KIF26B: variants seen among roughly 807,000 people sequenced by gnomAD.
The protein encoded by KIF26B is kinesin-like protein KIF26B.
In KIF26B, 63 loss-of-function variants were observed where a neutral mutation model predicts 151.2. The observed-to-expected ratio is 0.42, with a 90% CI of 0.34 to 0.51. The LOEUF (loss-of-function observed/expected upper bound fraction) is 0.51. Ranked by LOEUF, KIF26B falls within the 20% of genes least tolerant of loss-of-function variation. KIF26B has a pLI of 0.07. For missense variants in KIF26B, 2,813 were observed against 2,913.6 expected (o/e 0.97, Z 0.79); for synonymous variants, 1,357 against 1,262.1 (o/e 1.08, Z -1.59).
At chr1:245,350,806 C>A (rs745319978) in intron 2 of KIF26B, among the ~76,000 whole-genome samples, 3 of 152,166 alleles carry the variant, frequency 2.0e-5, no homozygotes, top group East Asian at 3.9e-4. Flanking sequence ...TGCTTTGAGA[C>A]AATTCCAAGA....
At chr1:245,600,809 C>T (rs145112790) in intron 5 of KIF26B, among the ~76,000 whole-genome samples, 231 of 152,198 alleles carry the variant, frequency 1.5e-3, no homozygotes, top group African/African-American at 4.9e-3. Context: ...TTTGCACAGC[C>T]GCCCATATGA....
At chr1:245,648,384 C>T (rs1049366418) in intron 10 of KIF26B, among the ~76,000 whole-genome samples, 1 of 152,100 alleles carries the variant, frequency 6.6e-6, no homozygotes, top group Admixed American at 6.5e-5. Flanking sequence ...CGTGGTGGCT[C>T]ACACCTATAT....
chr1:245,707,874 G>A lies in KIF26B; in HGVS notation c.*5268G>A, dbSNP rs1414797309. On this transcript the variant is annotated 3_prime_UTR_variant, in exon 15 of 15. Coordinates refer to ENST00000407071, the MANE Select transcript of KIF26B (RefSeq NM_018012.4). ...GTTCAACATTCAATTCCTGAGGAAA[G>A]TGCTGATAGTATTAGTTCCCTACAT... The A allele has an allele frequency of 6.6e-6, 1 of 152,242 alleles. No homozygotes were observed. The highest frequency in any genetic ancestry group is 1.9e-4 in the East Asian group (1 of 5,206). The allele number at this position is 152,242 out of a possible 1,614,324, so 9.4% of individuals were successfully genotyped here. A position where few individuals can be genotyped will look rare whatever the true frequency, so the allele number is the denominator to read the frequency against.
At position 245,688,738 on chromosome 1, in the gene KIF26B, A is replaced by T. The variant is rs1307815198; in HGVS notation, c.5755A>T (p.Ser1919Cys). The stretch of plus-strand genomic sequence containing the variant: ...CGCGTCCTCGGCGCAGGACTCCACG[A>T]GCGAGAACAGCAGCTCCGTGGGCGG... The part of the protein sequence containing the change: ...GSASSAQDST[S>C]ENSSSVGGRC... Residue 1919 changes from serine to cysteine, a missense_variant, in exon 12 of 15, where the codon AGC (serine) becomes TGC (cysteine). This residue lies in a region of KIF26B where 2,060 missense variants were observed against 2,088.6 expected (regional missense o/e 0.99). Transcript: ENST00000407071. The T allele has an allele frequency of 4.4e-6, 7 of 1,606,362 alleles. No homozygotes were observed. The highest frequency in any genetic ancestry group is 6.0e-6 in the Non-Finnish European group (7 of 1,175,944).
In KIF26B at chr1:245,257,281, A is replaced by G. The variant is rs894984343; in HGVS notation, c.465+100598A>G. 3.9e-5 allele frequency among the ~76,000 whole-genome samples: 6 copies of G among 152,206 alleles called. No homozygotes were observed. The South Asian group carries it at 8.3e-4, about 21-fold the overall frequency. ...GATTGACCTCTTGTGTTTCCCTACA[A>G]TGTATACAACCAAGCTATAGCCCGA... On this transcript the variant is annotated intron_variant, in intron 2 of 14. Coordinates refer to ENST00000407071, the MANE Select transcript of KIF26B (RefSeq NM_018012.4).
chr1:245,344,779 C>T (rs996403046), intron 2 of KIF26B, among the ~76,000 whole-genome samples: 29 of 152,024 alleles, frequency 1.9e-4, no homozygotes, highest in Admixed American at 3.3e-4. Context: ...GACTGCATAC[C>T]GCGGCCATGT....
intron 2 of KIF26B, among the ~76,000 whole-genome samples, chr1:245,200,607 C>T (rs999103623): frequency 5.9e-5 from 9 of 152,156 alleles, no homozygotes; most frequent in Non-Finnish European, 8.8e-5. Context: ...TCTTTAGCCC[C>T]TGCTTACTTT....
At chr1:245,350,241 G>A (rs1672537213) in intron 2 of KIF26B, among the ~76,000 whole-genome samples, 1 of 151,992 alleles carries the variant, frequency 6.6e-6, no homozygotes, top group South Asian at 2.1e-4. Context: ...CTGGTCAATG[G>A]CCACATGAAG....
intron 2 of KIF26B, among the ~76,000 whole-genome samples, chr1:245,237,561 G>T (rs1334860368): frequency 6.6e-6 from 1 of 152,124 alleles, no homozygotes; most frequent in Non-Finnish European, 1.5e-5. Flanking sequence ...GGCCCAGGGG[G>T]TCTATGAGCA....
Position 245,504,177 on chromosome 1 carries a change from G to A in KIF26B, c.1167-36590G>A, listed in dbSNP as rs114691976. Among the ~76,000 whole-genome samples, 1,447 of 152,108 alleles carry A rather than the reference G, an allele frequency of 9.5e-3. 26 individuals are homozygous for A. The highest frequency in any genetic ancestry group is 0.033 in the Admixed American group (510 of 15,272). On this transcript the variant is annotated intron_variant, in intron 4 of 14. Transcript: ENST00000407071. ...GAGGCCCTGGGCCCTATTCTCTCTG[G>A]GGAGCTTTACATCACCCATTGCTCT...
At chr1:245,450,077 C>T (rs1363928601) in intron 4 of KIF26B, among the ~76,000 whole-genome samples, 1 of 152,170 alleles carries the variant, frequency 6.6e-6, no homozygotes, top group Non-Finnish European at 1.5e-5. Flanking sequence ...GTCTGAACTA[C>T]AATTGGTGTG....
chr1:245,169,360 T>TGTGTGTGTGC (rs1230032870), intron 2 of KIF26B, among the ~76,000 whole-genome samples: 4 of 151,734 alleles, frequency 2.6e-5, no homozygotes, highest in African/African-American at 7.3e-5. Flanking sequence ...TGTGTGTGTG[T>TGTGTGTGTGC]GTGCGCGCAA....
intron 2 of KIF26B, among the ~76,000 whole-genome samples, chr1:245,229,365 C>A (rs1266225053): frequency 6.6e-6 from 1 of 152,162 alleles, no homozygotes; most frequent in Non-Finnish European, 1.5e-5. Flanking sequence ...TCCAAATGAT[C>A]TTCTAAGAGC....
In KIF26B at chr1:245,498,891, G is replaced by C. The variant is rs4658462; in HGVS notation, c.1167-41876G>C. Among the ~76,000 whole-genome samples the C allele has an allele frequency of 5.9e-5, 9 of 152,306 alleles. 1 individual carries two copies. The highest frequency in any genetic ancestry group is 6.8e-3 in the Middle Eastern group (2 of 294). On this transcript the variant is annotated intron_variant, in intron 4 of 14. Transcript: ENST00000407071. ...ACGGGTTCACATTCTTCTTGCATCAGATAGTAAATGCAGTCAAGGAACTGG... is the reference window on the plus strand; with the variant it reads ...ACGGGTTCACATTCTTCTTGCATCACATAGTAAATGCAGTCAAGGAACTGG...
At chr1:245,627,081 A>G (rs2043731624) in intron 9 of KIF26B, among the ~76,000 whole-genome samples, 3 of 152,090 alleles carry the variant, frequency 2.0e-5, no homozygotes, top group Admixed American at 1.3e-4. Flanking sequence ...ATTGTGTCCC[A>G]TTGGTCTATG....
rs1226912527 is a variant in KIF26B, at chr1:245,364,409, CCTCT to C, written c.466-2414_466-2411del. Among the ~76,000 whole-genome samples, 786 of 146,368 alleles carry C rather than the reference CCTCT, an allele frequency of 5.4e-3. 1 individual carries two copies. Among genetic ancestry groups the C allele is most frequent in the Non-Finnish European group, 9.8e-3 (655 of 67,176 alleles). On this transcript the variant is annotated intron_variant, in intron 2 of 14. Coordinates refer to ENST00000407071, the MANE Select transcript of KIF26B (RefSeq NM_018012.4). ...GTGATGTGCAGACATGACTTCTCACCCTCTCTCTCTCTCTTTTTTTTTTTTTTTT... is the reference window on the plus strand; with the variant it reads ...GTGATGTGCAGACATGACTTCTCACCCTCTCTCTCTTTTTTTTTTTTTTTT...
chr1:245,579,036 A>G (rs1033179264), intron 5 of KIF26B, among the ~76,000 whole-genome samples: 4 of 152,164 alleles, frequency 2.6e-5, no homozygotes, highest in Non-Finnish European at 5.9e-5. Context: ...TGCTTTAGGG[A>G]AAAAAAGTCC....
chr1:245,521,210 A>T (rs59716787), intron 4 of KIF26B, among the ~76,000 whole-genome samples: 2 of 151,998 alleles, frequency 1.3e-5, no homozygotes, highest in Non-Finnish European at 2.9e-5. Context: ...GGTGGCGAGC[A>T]CCTGTAGTCC....
At chr1:245,570,876 T>C (rs1200394677) in intron 5 of KIF26B, among the ~76,000 whole-genome samples, 1 of 152,256 alleles carries the variant, frequency 6.6e-6, no homozygotes, top group Non-Finnish European at 1.5e-5. Context: ...ATATTGGTCT[T>C]ATTGTGCTAT....
Sources: allele counts gnomAD v4.1 joint callset (sites outside exome capture counted in the v4.1 genomes callset), GRCh38; gene constraint gnomAD v4.1.1; regional missense constraint gnomAD v4.1.1; transcripts MANE v1.5; gene names NCBI Gene and HGNC (gene_info 2026-07-23, HGNC 2026-07-21).